Variants in CNTN5 observed in about 807,000 individuals in gnomAD.
The protein encoded by CNTN5 is contactin-5.
Under a neutral mutation model 129.1 loss-of-function variants are expected in CNTN5, and 77 were observed. The observed-to-expected ratio is 0.60, with a 90% confidence interval of 0.50 to 0.72. The LOEUF (loss-of-function observed/expected upper bound fraction) is 0.72, where lower values mean the gene tolerates loss of function less well. CNTN5 is among the 30% of genes least tolerant of loss of function. The pLI, the probability that CNTN5 is intolerant of heterozygous loss-of-function variation, is 0.00. For missense variants in CNTN5, 1,478 were observed against 1,328.8 expected, an observed-to-expected ratio of 1.11 and a Z score of -1.75; for synonymous variants, 509 against 465.6, an observed-to-expected ratio of 1.09 and a Z score of -1.20.
intron 3 of CNTN5, among the ~76,000 whole-genome samples, chr11:99,626,575 G>A (rs1180701728): frequency 6.6e-6 from 1 of 152,146 alleles, no homozygotes; most frequent in Admixed American, 6.6e-5. Context: ...CACTGCTAGA[G>A]ATTGCAGTGC....
chr11:99,727,946 TTGTC>T (rs1321305259), intron 3 of CNTN5, among the ~76,000 whole-genome samples: 1 of 152,162 alleles, frequency 6.6e-6, no homozygotes, highest in Non-Finnish European at 1.5e-5. Flanking sequence ...TTTAAATCAT[TTGTC>T]TGAGGTTTCG....
intron 3 of CNTN5, among the ~76,000 whole-genome samples, chr11:99,719,636 GA>G (rs1943099769): frequency 6.6e-6 from 1 of 151,902 alleles, no homozygotes; most frequent in Admixed American, 6.6e-5. Context: ...GAAAGAATTA[GA>G]GATGCAAGAA....
chr11:99,809,839 CAG>C (rs1440989286), intron 3 of CNTN5, among the ~76,000 whole-genome samples: 1 of 152,072 alleles, frequency 6.6e-6, no homozygotes, highest in East Asian at 1.9e-4. Context: ...CTTAAACACA[CAG>C]AGAATAGGAA....
chr11:99,638,982 A>G (rs1003533644), intron 3 of CNTN5, among the ~76,000 whole-genome samples: 1 of 152,134 alleles, frequency 6.6e-6, no homozygotes, highest in African/African-American at 2.4e-5. Context: ...CCACATTTCC[A>G]TCTGTACTGC....
chr11:100,261,655 C>T (rs1339129797), intron 17 of CNTN5, among the ~76,000 whole-genome samples: 1 of 152,082 alleles, frequency 6.6e-6, no homozygotes, highest in African/African-American at 2.4e-5. Flanking sequence ...ACATGTAAAA[C>T]CATCTGATCT....
intron 1 of CNTN5, among the ~76,000 whole-genome samples, chr11:99,111,123 T>A (rs928380604): frequency 1.3e-5 from 2 of 152,102 alleles, no homozygotes; most frequent in African/African-American, 4.8e-5. Context: ...ACATGAGAAT[T>A]TAAGATGCTA....
intron 6 of CNTN5, among the ~76,000 whole-genome samples, chr11:99,871,147 A>C (rs1390113136): frequency 1.3e-5 from 2 of 152,114 alleles, no homozygotes; most frequent in Admixed American, 6.6e-5. Context: ...TGATCCCCTG[A>C]GAGTAGAACT....
intron 4 of CNTN5, among the ~76,000 whole-genome samples, chr11:99,841,195 C>G (rs1947477956): frequency 6.6e-6 from 1 of 152,088 alleles, no homozygotes. Context: ...GGCTAAGATG[C>G]TTTGGGAACT....
intron 13 of CNTN5, among the ~76,000 whole-genome samples, chr11:100,111,758 C>T (rs183789793): frequency 2.6e-5 from 4 of 152,158 alleles, no homozygotes; most frequent in East Asian, 1.9e-4. Context: ...TCATCTTAAC[C>T]GAAATTTTAT....
chr11:100,058,295 G>A (rs1943318219), intron 9 of CNTN5, among the ~76,000 whole-genome samples: 1 of 152,026 alleles, frequency 6.6e-6, no homozygotes, highest in Non-Finnish European at 1.5e-5. Context: ...ATCAGTATAT[G>A]AAGGCAAATA....
chr11:99,113,155 T>C (rs1460504133), intron 1 of CNTN5, among the ~76,000 whole-genome samples: 2 of 152,020 alleles, frequency 1.3e-5, no homozygotes, highest in East Asian at 1.9e-4. Context: ...GCCATCAAAA[T>C]TGTATCTTTT....
chr11:100,058,148 A>C, intron 9 of CNTN5, among the ~76,000 whole-genome samples: 1 of 152,102 alleles, frequency 6.6e-6, no homozygotes, highest in Non-Finnish European at 1.5e-5. Flanking sequence ...TTATAGATAA[A>C]ATAGTTGGTT....
chr11:99,234,325 A>G (rs952937460), intron 1 of CNTN5, among the ~76,000 whole-genome samples: 1 of 152,144 alleles, frequency 6.6e-6, no homozygotes, highest in Non-Finnish European at 1.5e-5. Context: ...GAGAGGGAAT[A>G]TGTTTAAAAT....
chr11:99,540,774 A>C (rs1295917358), intron 2 of CNTN5, among the ~76,000 whole-genome samples: 1 of 152,092 alleles, frequency 6.6e-6, no homozygotes, highest in African/African-American at 2.4e-5. Flanking sequence ...TCTGCCTATC[A>C]CAGAAATTTG....
At chr11:100,204,255 A>G (rs1459577996) in intron 15 of CNTN5, among the ~76,000 whole-genome samples, 1 of 126,374 alleles carries the variant, frequency 7.9e-6, no homozygotes, top group African/African-American at 2.8e-5. Context: ...TGAACTAAAA[A>G]CTAGCCATTT....
chr11:100,003,995 T>C (rs936511688), intron 9 of CNTN5: 2 of 152,200 alleles, frequency 1.3e-5, no homozygotes, highest in Non-Finnish European at 1.5e-5. Context: ...CATCTTGACA[T>C]GTGTTCATCC....
At chr11:99,872,449 C>T (rs1416553976) in intron 6 of CNTN5, among the ~76,000 whole-genome samples, 1 of 152,022 alleles carries the variant, frequency 6.6e-6, no homozygotes, top group African/African-American at 2.4e-5. Flanking sequence ...AAATATTAAA[C>T]ACCTATGTGG....
intron 1 of CNTN5, among the ~76,000 whole-genome samples, chr11:99,097,680 C>A (rs1437884791): frequency 2.0e-5 from 3 of 151,670 alleles, no homozygotes; most frequent in African/African-American, 7.3e-5. Context: ...AAAACTTAAG[C>A]CATTATTGAT....
intron 3 of CNTN5, among the ~76,000 whole-genome samples, chr11:99,637,604 G>A (rs669176): frequency 0.6 from 91,314 of 151,708 alleles, 28,295 homozygotes; most frequent in Admixed American, 0.69. Flanking sequence ...AGTAGGAAAT[G>A]GGCATTTCTC....
Sources: allele counts gnomAD v4.1 joint callset (sites outside exome capture counted in the v4.1 genomes callset), GRCh38; gene constraint gnomAD v4.1.1; transcripts MANE v1.5; gene names NCBI Gene and HGNC (gene_info 2026-07-23, HGNC 2026-07-21).